MUC5AC: variants seen among roughly 807,000 people sequenced by gnomAD.
MUC5AC encodes mucin-5AC.
A neutral mutation model predicts 169.7 loss-of-function variants in MUC5AC; 158 were observed. The ratio of observed to expected loss-of-function variants is 0.93; its 90% CI spans 0.82 to 1.06. The LOEUF (loss-of-function observed/expected upper bound fraction) is 1.06, where lower values mean the gene tolerates loss of function less well. Ranked by LOEUF, MUC5AC falls within the 50% of genes least tolerant of loss-of-function variation. The pLI is 0.00. For missense variants in MUC5AC, 4,359 were observed against 3,089.9 expected (o/e 1.41, Z -9.74); for synonymous variants, 1,975 against 1,237.0 (o/e 1.60, Z -12.52).
chr11:1,176,646 C>G lies in MUC5AC; in HGVS notation c.2635C>G (p.Arg879Gly), dbSNP rs983357014. 18 of 398,564 alleles carry G rather than the reference C, an allele frequency of 4.5e-5. No homozygotes were observed. Among genetic ancestry groups the G allele is most frequent in the Admixed American group, 1.3e-4 (3 of 22,726 alleles). The allele number at this position is 398,564 out of a possible 1,614,324, so 24.7% of individuals were successfully genotyped here. ...CAGCTACCGGGCCGGCCAGACCATC[C>G]GGGTGGGCTGCAACACCTGGTATGC... The part of the protein sequence containing the change: ...EASYRAGQTI[R>G]VGCNTCTCDS... Residue 879 changes from arginine to glycine, a missense_variant, in exon 21 of 49, where the codon CGG becomes GGG. Arg to Gly is a moderately radical substitution (Grantham distance 125). Transcript: ENST00000621226.
In MUC5AC at chr11:1,195,045, G is replaced by T; in HGVS notation, c.15224G>T (p.Arg5075Leu). Residue 5075 changes from arginine to leucine, a missense_variant, in exon 36 of 49, where the codon CGC becomes CTC. By Grantham distance (102) the Arg-to-Leu change is moderately radical. Coordinates refer to ENST00000621226, the MANE Select transcript of MUC5AC (RefSeq NM_001304359.2). Reference sequence around the variant, plus strand: ...ACCAACGACAGGAAGGATGAGTGCCGCACGCCTAGGGGGACGGTGGTCGCT... The same window carrying T: ...ACCAACGACAGGAAGGATGAGTGCCTCACGCCTAGGGGGACGGTGGTCGCT... Reference protein sequence around the residue: ...TCTNDRKDECRTPRGTVVASC... With the variant: ...TCTNDRKDECLTPRGTVVASC... 1 of 749,728 alleles carries T rather than the reference G, an allele frequency of 1.3e-6. No homozygotes were observed. The highest frequency in any genetic ancestry group is 1.4e-5 in the South Asian group (1 of 72,046). 46.4% of individuals were successfully genotyped at this position (749,728 alleles called of 1,614,324 possible).
chr11:1,187,520 C>T lies in MUC5AC; in HGVS notation c.9375C>T (p.Ser3125=). ...CCTCTGGTCTTGGAACTACTCCCAG[C>T]CCTATTCCTACCACCAGCACAACCT... ...SKTSGLGTTP[S]PIPTTSTTSP... is the part of the protein sequence containing the mutation. Residue 3125 remains serine (S), a synonymous_variant, in exon 31 of 49, where the codon AGC becomes AGT. Coordinates refer to ENST00000621226, the MANE Select transcript of MUC5AC (RefSeq NM_001304359.2). 6.7e-6 allele frequency: 5 copies of T among 746,018 alleles called. No individual in the cohort carries two copies. Among genetic ancestry groups the T allele is most frequent in the South Asian group, 2.8e-5 (2 of 71,960 alleles). 46.2% of individuals were successfully genotyped at this position (746,018 alleles called of 1,614,324 possible).
chr11:1,165,494 G>C (rs1035213682), intron 10 of MUC5AC, 75 bp downstream of exon 10: 17 of 1,580,366 alleles, frequency 1.1e-5, no homozygotes, highest in Non-Finnish European at 1.5e-5. Context: ...AACCCAGGCC[G>C]GCAGGCTCCC....
intron 34 of MUC5AC, 61 bp from the exon 35 acceptor site, chr11:1,194,426 C>A (rs1039878490): frequency 1.7e-5 from 12 of 711,536 alleles, no homozygotes; most frequent in Non-Finnish European, 2.6e-5. Context: ...AGAGCCTGAG[C>A]AGCGGCTGAC....
rs376294469 is a variant in MUC5AC, at chr11:1,198,930, T to C, written c.16230T>C (p.Gly5410=). Residue 5410 remains glycine, a synonymous_variant, in exon 44 of 49, where the codon GGT becomes GGC. Transcript: ENST00000621226. ...LCETCRCELP[G]GPPSDAFVVS... ...AAACCTGCAGGTGTGAGCTGCCGGGTGGCCCCCCATCGGACGCGTTTGTGG... is the reference window on the plus strand; with the variant it reads ...AAACCTGCAGGTGTGAGCTGCCGGGCGGCCCCCCATCGGACGCGTTTGTGG... 2 of 761,832 alleles carry C rather than the reference T, an allele frequency of 2.6e-6. No individual in the cohort carries two copies. 47.2% of individuals were successfully genotyped at this position (761,832 alleles called of 1,614,324 possible).
rs1316462779 is a variant in MUC5AC at position 1,199,677 on chromosome 11, G to T, written c.16516-18G>T. ...CGCCGAGCGCCTCGGCACTGAGGGC[G>T]CCCCTCTGTCGGCACAGGACGAGGC... On this transcript the variant is annotated intron_variant, in intron 46 of 48. Coordinates refer to ENST00000621226, the MANE Select transcript of MUC5AC (RefSeq NM_001304359.2). The T allele has an allele frequency of 2.8e-6, 2 of 704,966 alleles. No individual in the cohort carries two copies. The highest frequency in any genetic ancestry group is 3.0e-5 in the South Asian group (2 of 67,760). The allele number at this position is 704,966 out of a possible 1,614,324, so 43.7% of individuals were successfully genotyped here.
At position 1,189,659 on chromosome 11, in the gene MUC5AC, CACA is replaced by C. The variant is rs1273232492; in HGVS notation, c.11517_11519del (p.Thr3840del). Reference sequence around the variant, plus strand: ...GCACAACCTCAGCTCCTACAACCAGCACAACTTCTGCCCCTACAACCAGCACAA... The same window carrying C: ...GCACAACCTCAGCTCCTACAACCAGCACTTCTGCCCCTACAACCAGCACAA... On this transcript the variant is annotated inframe_deletion, in exon 31 of 49. Coordinates refer to ENST00000621226, the MANE Select transcript of MUC5AC (RefSeq NM_001304359.2). 5 of 630,436 alleles carry C rather than the reference CACA, an allele frequency of 7.9e-6. No individual in the cohort carries two copies. Among genetic ancestry groups the C allele is most frequent in the Non-Finnish European group, 1.4e-5 (5 of 352,928 alleles). The allele number at this position is 630,436 out of a possible 1,614,324, so 39.1% of individuals were successfully genotyped here. A position where few individuals can be genotyped will look rare whatever the true frequency, so the allele number is the denominator to read the frequency against.
chr11:1,160,782 C>A, intron 2 of MUC5AC, 93 bp downstream of exon 2: 9 of 1,324,148 alleles, frequency 6.8e-6, no homozygotes, highest in Non-Finnish European at 9.4e-6. Context: ...CTTAGGGTGG[C>A]TCCCCAGCTG....
At chr11:1,169,867 C>G (rs1860448303) in intron 15 of MUC5AC, among the ~76,000 whole-genome samples, 1 of 141,664 alleles carries the variant, frequency 7.1e-6, no homozygotes, top group Non-Finnish European at 1.5e-5. Flanking sequence ...CCCATTCACC[C>G]ACTCACCCAC....
chr11:1,198,139 G>C (rs1861331740), intron 42 of MUC5AC, 129 bp from the exon 43 acceptor site: 2 of 684,182 alleles, frequency 2.9e-6, no homozygotes, highest in Non-Finnish European at 5.4e-6. Context: ...CTTCCGCAGA[G>C]ATGAGGCTGG....
At chr11:1,168,810 C>T in intron 14 of MUC5AC, 31 bp downstream of exon 14, 1 of 1,583,032 alleles carries the variant, frequency 6.3e-7, no homozygotes, top group Non-Finnish European at 8.6e-7. Context: ...GCTTGGAGCC[C>T]ACCCACTCTG....
chr11:1,188,488 C>A lies in MUC5AC; in HGVS notation c.10343C>A (p.Ser3448Tyr), dbSNP rs1331466210. 7.2e-6 allele frequency: 5 copies of A among 699,280 alleles called. No individual in the cohort carries two copies. The highest frequency in any genetic ancestry group is 1.0e-5 in the Non-Finnish European group (4 of 383,002). 43.3% of individuals were successfully genotyped at this position (699,280 alleles called of 1,614,324 possible). A position where few individuals can be genotyped will look rare whatever the true frequency, so the allele number is the denominator to read the frequency against. ...TCTTCCCCTACAACCAGCACAACCT[C>A]TGCTACTACAACCAGCACAACCTCT... ...TTSSPTTSTT[S>Y]ATTTSTTSAP... Residue 3448 changes from serine to tyrosine, a missense_variant, in exon 31 of 49, where the codon TCT becomes TAT. Transcript: ENST00000621226.
Position 1,164,189 on chromosome 11 carries a change from C to A in MUC5AC, c.873C>A (p.Cys291Ter). Residue 291 changes from cysteine (C) to a stop codon, truncating the protein, a stop_gained, in exon 8 of 49, where the codon TGC (cysteine) becomes TGA (stop). Coordinates refer to ENST00000621226, the MANE Select transcript of MUC5AC (RefSeq NM_001304359.2). LOFTEE classifies it high-confidence loss of function. Reference sequence around the variant, plus strand: ...ACGTCGGCAGCTACCTGGAGGCTTGCAGGCAAGACCTCTGCTTCTGTGAAG... The same window carrying A: ...ACGTCGGCAGCTACCTGGAGGCTTGAAGGCAAGACCTCTGCTTCTGTGAAG... ...LVDVGSYLEACRQDLCFCEDT... is the reference protein window; with the variant it reads ...LVDVGSYLEA 1 of 1,612,584 alleles carries A rather than the reference C, an allele frequency of 6.2e-7. No homozygotes were observed. Among genetic ancestry groups the A allele is most frequent in the South Asian group, 1.1e-5 (1 of 91,088 alleles).
intron 12 of MUC5AC, 45 bp downstream of exon 12, chr11:1,168,032 C>A: frequency 6.7e-7 from 1 of 1,484,470 alleles, no homozygotes; most frequent in Non-Finnish European, 9.2e-7. Context: ...AGGGAAGGGG[C>A]CTGTCTCTTC....
intron 48 of MUC5AC, 91 bp downstream of exon 48, chr11:1,200,060 C>T (rs1001053130): frequency 1.6e-6 from 1 of 633,472 alleles, no homozygotes; most frequent in African/African-American, 1.8e-5. Context: ...AGACGAGGGG[C>T]AGGACCATGA....
At chr11:1,160,564 C>T in intron 1 of MUC5AC, 48 bp from the exon 2 acceptor site, 1 of 1,533,724 alleles carries the variant, frequency 6.5e-7, no homozygotes, top group Non-Finnish European at 8.9e-7. Flanking sequence ...AGCCTGAGCC[C>T]CCTCAGCCAC....
At chr11:1,170,605 TCACC>T in intron 15 of MUC5AC, among the ~76,000 whole-genome samples, 1 of 114,928 alleles carries the variant, frequency 8.7e-6, no homozygotes, top group African/African-American at 3.5e-5. Context: ...ACTCACCCAT[TCACC>T]CACTCACCTA....
In MUC5AC at chr11:1,199,387, C is replaced by T. The variant is rs992538131; in HGVS notation, c.16412C>T (p.Ser5471Leu). Residue 5471 changes from serine (S) to leucine (L), a missense_variant, in exon 46 of 49, where the codon TCA (serine) becomes TTA (leucine). Physicochemically the swap from Ser to Leu is moderately radical, Grantham distance 145. Transcript: ENST00000621226. Reference protein sequence around the residue: ...AHLFYPGETWSDAGNHCVTHQ... With the variant: ...AHLFYPGETWLDAGNHCVTHQ... ...TCCCTCCAGCCCGGCGAGACCTGGTCAGACGCAGGGAACCACTGTGTGACC... is the reference window on the plus strand; with the variant it reads ...TCCCTCCAGCCCGGCGAGACCTGGTTAGACGCAGGGAACCACTGTGTGACC... 1.2e-5 allele frequency: 9 copies of T among 720,892 alleles called. No homozygotes were observed. In the African/African-American group the frequency reaches 1.6e-4, roughly 12 times the overall value. The allele number at this position is 720,892 out of a possible 1,614,324, so 44.7% of individuals were successfully genotyped here.
intron 32 of MUC5AC, 74 bp from the exon 33 acceptor site, chr11:1,193,411 T>C (rs1392738426): frequency 1.5e-6 from 1 of 656,068 alleles, no homozygotes; most frequent in African/African-American, 1.8e-5. Context: ...CTCTCGGGAC[T>C]GTGACCCCGA....
Sources: gnomAD v4.1 joint callset for allele counts (sites outside exome capture counted in the v4.1 genomes callset) on GRCh38, gnomAD v4.1.1 for gene constraint, MANE v1.5 for transcripts, NCBI Gene and HGNC (gene_info 2026-07-23, HGNC 2026-07-21) for gene names.